Variants in BBS9 observed in about 807,000 individuals in gnomAD.
BBS9 encodes the protein Bardet-Biedl syndrome 9, also known as protein PTHB1.
BBS9 carries 89 observed loss-of-function variants against 117.7 expected under a neutral mutation model. The observed-to-expected ratio is 0.76, with a 90% CI of 0.64 to 0.90. The LOEUF (loss-of-function observed/expected upper bound fraction) is 0.90. BBS9 is among the 40% of genes least tolerant of loss of function. The pLI is 0.00. For missense variants in BBS9, 982 were observed against 1,042.2 expected, an observed-to-expected ratio of 0.94 and a Z score of 0.80; for synonymous variants, 379 against 370.9, an observed-to-expected ratio of 1.02 and a Z score of -0.25.
chr7:33,434,829 C>G (rs191592617), intron 19 of BBS9, among the ~76,000 whole-genome samples: 1 of 152,136 alleles, frequency 6.6e-6, no homozygotes, highest in East Asian at 1.9e-4. Flanking sequence ...CTAAAATGTA[C>G]AATGATGGTC....
intron 19 of BBS9, among the ~76,000 whole-genome samples, chr7:33,403,746 T>C (rs886191046): frequency 2.0e-5 from 3 of 152,128 alleles, no homozygotes; most frequent in African/African-American, 7.2e-5. Flanking sequence ...TCCAAGTCTT[T>C]GCTATTGTGA....
At chr7:33,583,796 G>A (rs890333881) in intron 21 of BBS9, among the ~76,000 whole-genome samples, 1 of 152,078 alleles carries the variant, frequency 6.6e-6, no homozygotes, top group Admixed American at 6.6e-5. Flanking sequence ...CTAACTAGCT[G>A]TGTGACCTTG....
At chr7:33,447,247 A>G (rs1445727032) in intron 19 of BBS9, among the ~76,000 whole-genome samples, 1 of 152,230 alleles carries the variant, frequency 6.6e-6, no homozygotes, top group Admixed American at 6.5e-5. Flanking sequence ...CCCCAGATTG[A>G]TATCACAACA....
At chr7:33,479,144 C>T (rs182107720) in intron 19 of BBS9, among the ~76,000 whole-genome samples, 40 of 152,106 alleles carry the variant, frequency 2.6e-4, no homozygotes, top group African/African-American at 4.3e-4. Context: ...AGATTTTCTA[C>T]GTGGGTAAAT....
At chr7:33,332,398 G>A (rs1259377084) in intron 9 of BBS9, among the ~76,000 whole-genome samples, 1 of 152,150 alleles carries the variant, frequency 6.6e-6, no homozygotes, top group Admixed American at 6.5e-5. Context: ...AAAAACAAGA[G>A]GCCAGGTGTG....
chr7:33,395,527 A>G (rs76765890), intron 19 of BBS9, among the ~76,000 whole-genome samples: 3,983 of 152,164 alleles, frequency 0.026, 184 homozygotes, highest in African/African-American at 0.091. Context: ...ATGTTTACTG[A>G]TCTAAAAGTT....
At chr7:33,232,637 G>T (rs1024533877) in intron 5 of BBS9, among the ~76,000 whole-genome samples, 2 of 152,016 alleles carry the variant, frequency 1.3e-5, no homozygotes, top group Non-Finnish European at 2.9e-5. Flanking sequence ...GAGATAAAAA[G>T]GGTTGTTTAT....
rs556573306 is a variant in BBS9 at position 33,279,242 on chromosome 7, A to T, written c.1016+5286A>T. 2.0e-5 allele frequency among the ~76,000 whole-genome samples: 3 copies of T among 151,878 alleles called. No homozygotes were observed. The South Asian group carries it at 6.2e-4, about 32-fold the overall frequency. On this transcript the variant is annotated intron_variant, in intron 9 of 22. Coordinates refer to ENST00000242067, the MANE Select transcript of BBS9 (RefSeq NM_198428.3). ...AGGCATATGCCACCATTCCTGGCTAATTTTTTCATATTTTTTAGAGATGAG... is the reference window on the plus strand; with the variant it reads ...AGGCATATGCCACCATTCCTGGCTATTTTTTTCATATTTTTTAGAGATGAG...
intron 19 of BBS9, among the ~76,000 whole-genome samples, chr7:33,405,151 T>A (rs528146565): frequency 1.3e-5 from 2 of 152,356 alleles, no homozygotes; most frequent in East Asian, 3.9e-4. Context: ...CTACATTTAT[T>A]GATTTGCGTA....
intron 19 of BBS9, among the ~76,000 whole-genome samples, chr7:33,485,652 G>A (rs986287712): frequency 2.0e-5 from 3 of 152,160 alleles, no homozygotes; most frequent in Non-Finnish European, 2.9e-5. Context: ...AATGAGGTTT[G>A]AGAGAAATTT....
intron 21 of BBS9, among the ~76,000 whole-genome samples, chr7:33,594,613 G>T (rs1477144732): frequency 6.6e-6 from 1 of 152,032 alleles, no homozygotes; most frequent in Non-Finnish European, 1.5e-5. Context: ...GCCTCTATAT[G>T]ACAACACAGT....
At chr7:33,538,277 CAT>C (rs1301458475) in intron 21 of BBS9, among the ~76,000 whole-genome samples, 1 of 152,040 alleles carries the variant, frequency 6.6e-6, no homozygotes, top group African/African-American at 2.4e-5. Context: ...TTATATAATC[CAT>C]ATATTTTCAT....
chr7:33,487,125 T>C (rs1843219530), intron 19 of BBS9, among the ~76,000 whole-genome samples: 1 of 152,236 alleles, frequency 6.6e-6, no homozygotes, highest in Non-Finnish European at 1.5e-5. Flanking sequence ...CTACTAAATG[T>C]CCCCTCTACC....
intron 4 of BBS9, among the ~76,000 whole-genome samples, chr7:33,167,798 A>G (rs1795931790): frequency 6.6e-6 from 1 of 152,150 alleles, no homozygotes; most frequent in African/African-American, 2.4e-5. Flanking sequence ...CTATCCTTTC[A>G]TGAACCTCCT....
At chr7:33,173,797 G>A (rs1213487171) in intron 4 of BBS9, among the ~76,000 whole-genome samples, 1 of 152,150 alleles carries the variant, frequency 6.6e-6, no homozygotes, top group Non-Finnish European at 1.5e-5. Flanking sequence ...TAAGCTGGAA[G>A]TTACTCAGTT....
chr7:33,588,152 G>A (rs1045066422), intron 21 of BBS9, among the ~76,000 whole-genome samples: 2 of 152,026 alleles, frequency 1.3e-5, no homozygotes, highest in Admixed American at 1.3e-4. Flanking sequence ...CTCTGGGGTG[G>A]ACATTTTGTT....
intron 17 of BBS9, among the ~76,000 whole-genome samples, chr7:33,375,350 A>G (rs80329029): frequency 0.032 from 4,920 of 152,186 alleles, 137 homozygotes; most frequent in African/African-American, 0.077. Flanking sequence ...AGGTTCTTTT[A>G]TGTTATATTA....
rs955414964 is a variant in BBS9 at position 33,434,046 on chromosome 7, T to C, written c.2115+45902T>C. Among the ~76,000 whole-genome samples the C allele has an allele frequency of 9.7e-4, 147 of 152,070 alleles. 3 individuals are homozygous for C. Among genetic ancestry groups the C allele is most frequent in the Non-Finnish European group, 2.6e-4 (18 of 67,946 alleles). On this transcript the variant is annotated intron_variant, in intron 19 of 22. Coordinates refer to ENST00000242067, the MANE Select transcript of BBS9 (RefSeq NM_198428.3). ...TTTTTGGTGAACATATAATTGTTTA[T>C]ATTATTGTATCATTTTCAACCATTC...
chr7:33,161,872 T>C (rs972815352), intron 4 of BBS9, among the ~76,000 whole-genome samples: 1 of 152,230 alleles, frequency 6.6e-6, no homozygotes, highest in African/African-American at 2.4e-5. Flanking sequence ...TGATGACCAG[T>C]GATGATGAGC....
Sources: allele counts gnomAD v4.1 joint callset (sites outside exome capture counted in the v4.1 genomes callset), GRCh38; gene constraint gnomAD v4.1.1; transcripts MANE v1.5; gene names NCBI Gene and HGNC (gene_info 2026-07-23, HGNC 2026-07-21).